TMTC1: variants seen among roughly 807,000 people sequenced by gnomAD.
TMTC1 encodes transmembrane O-mannosyltransferase targeting cadherins 1.
TMTC1 carries 73 observed loss-of-function variants against 104.8 expected under a neutral mutation model. That is an observed-to-expected ratio of 0.70 (90% CI 0.58 to 0.85). The LOEUF (loss-of-function observed/expected upper bound fraction) is 0.85. Ranked by LOEUF, TMTC1 falls within the 40% of genes least tolerant of loss-of-function variation. TMTC1 has a pLI of 0.00. For synonymous variants in TMTC1, 434 were observed against 428.7 expected (o/e 1.01, Z -0.15); for missense variants, 1,035 against 1,096.1 (o/e 0.94, Z 0.79).
intron 17 of TMTC1, among the ~76,000 whole-genome samples, chr12:29,510,286 G>T (rs889170386): frequency 2.0e-5 from 3 of 152,110 alleles, no homozygotes; most frequent in African/African-American, 7.2e-5. Flanking sequence ...ACACAAAAAA[G>T]ATGTAGTAAA....
At chr12:29,572,593 C>T (rs895736981) in intron 8 of TMTC1, among the ~76,000 whole-genome samples, 17 of 152,144 alleles carry the variant, frequency 1.1e-4, no homozygotes, top group Non-Finnish European at 2.4e-4. Flanking sequence ...AATGGTATAT[C>T]TGAGAGCACA....
In TMTC1 at chr12:29,551,952, A is replaced by T. The variant is rs1036019961; in HGVS notation, c.1676+4905T>A. 2.0e-5 allele frequency among the ~76,000 whole-genome samples: 3 copies of T among 152,204 alleles called. No individual in the cohort carries two copies. In the South Asian group the frequency reaches 6.2e-4, roughly 31 times the overall value. ...CTGCAAAGTCCAGTGAAATGGTCAT[A>T]AAAGGGGCCAGATATATTTGGATAA... On this transcript the variant is annotated intron_variant, in intron 10 of 17. Transcript: ENST00000539277.
At chr12:29,752,116 T>C (rs769308623) in intron 4 of TMTC1, among the ~76,000 whole-genome samples, 26 of 117,488 alleles carry the variant, frequency 2.2e-4, no homozygotes, top group Non-Finnish European at 4.2e-4. Context: ...CAGTCTTTGT[T>C]AGATGGCCAC....
chr12:29,654,008 A>G (rs1939641756), intron 5 of TMTC1, among the ~76,000 whole-genome samples: 1 of 152,248 alleles, frequency 6.6e-6, no homozygotes, highest in Admixed American at 6.5e-5. Flanking sequence ...TACTTGACCA[A>G]GAGAGTTCAG....
At chr12:29,640,344 G>C (rs1015323879) in intron 5 of TMTC1, among the ~76,000 whole-genome samples, 1 of 152,074 alleles carries the variant, frequency 6.6e-6, no homozygotes, top group Non-Finnish European at 1.5e-5. Context: ...AGCGAGGGGG[G>C]GCTCACATTG....
intron 5 of TMTC1, among the ~76,000 whole-genome samples, chr12:29,695,595 G>A (rs960530927): frequency 4.0e-5 from 6 of 151,292 alleles, no homozygotes; most frequent in South Asian, 2.1e-4. Context: ...GTGAGCCACC[G>A]CGCCAGGCCA....
intron 10 of TMTC1, among the ~76,000 whole-genome samples, chr12:29,552,051 G>C (rs1945120344): frequency 2.0e-5 from 3 of 152,160 alleles, no homozygotes; most frequent in Non-Finnish European, 2.9e-5. Context: ...CAAATGAGTT[G>C]CTATAAGATT....
At chr12:29,519,622 A>C (rs77913564) in intron 12 of TMTC1, 1 of 152,176 alleles carries the variant, frequency 6.6e-6, no homozygotes, top group East Asian at 1.9e-4. Context: ...GCAGAGGCTC[A>C]ATGTCATAGG....
At chr12:29,712,588 G>T (rs1941959076) in intron 5 of TMTC1, among the ~76,000 whole-genome samples, 1 of 152,072 alleles carries the variant, frequency 6.6e-6, no homozygotes, top group East Asian at 1.9e-4. Context: ...TAATTTTAAA[G>T]AATATTTTTG....
intron 7 of TMTC1, among the ~76,000 whole-genome samples, chr12:29,602,567 C>A (rs1485905768): frequency 1.3e-5 from 2 of 152,152 alleles, no homozygotes; most frequent in African/African-American, 4.8e-5. Flanking sequence ...TGAATGCAGG[C>A]CCTCTGACTT....
chr12:29,507,883 C>T (rs1355999487), intron 17 of TMTC1, among the ~76,000 whole-genome samples: 1 of 152,206 alleles, frequency 6.6e-6, no homozygotes, highest in East Asian at 1.9e-4. Flanking sequence ...TTTGTTCCAT[C>T]TATTCTTAGT....
intron 5 of TMTC1, among the ~76,000 whole-genome samples, chr12:29,662,064 C>T (rs1335462689): frequency 6.6e-6 from 1 of 152,198 alleles, no homozygotes; most frequent in Admixed American, 6.5e-5. Flanking sequence ...TTTTCACCTA[C>T]ATGCAAAATT....
At chr12:29,760,766 A>G (rs1380050871) in intron 2 of TMTC1, among the ~76,000 whole-genome samples, 1 of 151,268 alleles carries the variant, frequency 6.6e-6, no homozygotes, top group Non-Finnish European at 1.5e-5. Flanking sequence ...AATATTTTGT[A>G]GCGTTACATT....
chr12:29,755,907 C>T (rs754559129), intron 3 of TMTC1, 22 bp from the exon 4 acceptor site: 1 of 1,610,114 alleles, frequency 6.2e-7, no homozygotes, highest in Admixed American at 1.7e-5. Context: ...GTTGGAGATT[C>T]TTTTAATCTA....
chr12:29,762,424 G>A (rs1195829227), intron 2 of TMTC1, among the ~76,000 whole-genome samples: 1 of 152,082 alleles, frequency 6.6e-6, no homozygotes, highest in Non-Finnish European at 1.5e-5. Flanking sequence ...TTAACACTGA[G>A]ATAGGTTTTC....
At chr12:29,550,542 G>C (rs1192191012) in intron 10 of TMTC1, among the ~76,000 whole-genome samples, 2 of 152,034 alleles carry the variant, frequency 1.3e-5, no homozygotes, top group Admixed American at 1.3e-4. Context: ...GTGGGGAAAA[G>C]GGAAGGGAGG....
rs879602127 is a variant in TMTC1 at position 29,725,011 on chromosome 12, G to GTTTTTTTTTTTTT, written c.938+26654_938+26655insAAAAAAAAAAAAA. On this transcript the variant is annotated intron_variant, in intron 5 of 17. Coordinates refer to ENST00000539277, the MANE Select transcript of TMTC1 (RefSeq NM_001193451.2). ...CGTAGTTTAGCTATATATCTGCCAA[G>GTTTTTTTTTTTTT]TTCTTTTTTTTTTTTTTTTTTTTTT... Among the ~76,000 whole-genome samples, 74 of 115,728 alleles carry GTTTTTTTTTTTTT rather than the reference G, an allele frequency of 6.4e-4. 7 individuals are homozygous for GTTTTTTTTTTTTT. The highest frequency in any genetic ancestry group is 8.4e-4 in the African/African-American group (27 of 32,310). The allele number at this position is 115,728 out of a possible 152,430, so 75.9% of individuals were successfully genotyped here.
At chr12:29,561,044 G>C (rs1945364287) in intron 9 of TMTC1, among the ~76,000 whole-genome samples, 1 of 152,090 alleles carries the variant, frequency 6.6e-6, no homozygotes, top group African/African-American at 2.4e-5. Flanking sequence ...GTTGAGGAAA[G>C]GGAAACTGGG....
At chr12:29,776,565 C>A (rs557989744) in intron 1 of TMTC1, among the ~76,000 whole-genome samples, 1 of 152,294 alleles carries the variant, frequency 6.6e-6, no homozygotes, top group Non-Finnish European at 1.5e-5. Context: ...AAAATTAATT[C>A]ATTTTTAATT....
Sources: allele counts gnomAD v4.1 joint callset (sites outside exome capture counted in the v4.1 genomes callset), GRCh38; gene constraint gnomAD v4.1.1; transcripts MANE v1.5; gene names NCBI Gene and HGNC (gene_info 2026-07-23, HGNC 2026-07-21).